The following LMBR1L variants were observed in gnomAD, a reference collection of about 807,000 sequenced individuals.
LMBR1L encodes limb development membrane protein 1 like, also known as protein LMBR1L.
LMBR1L carries 47 observed loss-of-function variants against 67.3 expected under a neutral mutation model. That is an observed-to-expected ratio of 0.70 (90% confidence interval 0.55 to 0.89). LMBR1L has a LOEUF of 0.89. Ranked by LOEUF, LMBR1L falls within the 40% of genes least tolerant of loss-of-function variation. LMBR1L has a pLI of 0.00. For synonymous variants in LMBR1L, 247 were observed against 250.3 expected (o/e 0.99, Z 0.13); for missense variants, 533 against 599.2 (o/e 0.89, Z 1.15).
chr12:49,104,664 C>T (rs1351115710), intron 4 of LMBR1L, 82 bp downstream of exon 4: 7 of 1,590,332 alleles, frequency 4.4e-6, no homozygotes, highest in Middle Eastern at 1.7e-4. Context: ...GACTGCTTGG[C>T]GCACGGCTGC....
At chr12:49,107,310 T>C (rs570527785) in intron 1 of LMBR1L, among the ~76,000 whole-genome samples, 41 of 152,332 alleles carry the variant, frequency 2.7e-4, no homozygotes, top group Middle Eastern at 3.4e-3. Context: ...AAGGACTTCA[T>C]TGGGAGAAAA....
chr12:49,105,554 C>T (rs1301512457), intron 3 of LMBR1L, among the ~76,000 whole-genome samples: 1 of 152,142 alleles, frequency 6.6e-6, no homozygotes, highest in African/African-American at 2.4e-5. Context: ...CCAAGCATGC[C>T]CCTCCCTCAG....
Position 49,102,154 on chromosome 12 carries a change from T to C in LMBR1L, c.896A>G (p.Tyr299Cys). The stretch of plus-strand genomic sequence containing the variant: ...CAGCAAGCACAGCATAGCCAGGGGG[T>C]AGCCCAGGTTCCGTTGCCAGGCTGA... ...KASAWQRNLG[Y>C]PLAMLCLLVL... is the part of the protein sequence containing the mutation. The change falls in exon 11 of 17, where the codon TAC becomes TGC. Residue 299 changes from tyrosine (Y) to cysteine (C), a missense_variant. Around this residue, in one of 3 missense-constraint regions of LMBR1L, gnomAD observed 223 missense variants for 241.2 expected, o/e 0.92. Transcript: ENST00000267102. 6.2e-7 allele frequency: 1 copy of C among 1,613,994 alleles called. No homozygotes were observed. The highest frequency in any genetic ancestry group is 1.1e-5 in the South Asian group (1 of 91,078).
chr12:49,101,468 G>A lies in LMBR1L; in HGVS notation c.1008+4C>T. ...AAGGATATGGTGGGAGGGCAGCCTG[G>A]TACCTGCATGCCTCGGGGCATGGCA... is the stretch of plus-strand genomic sequence containing the variant. On this transcript the variant is annotated splice_donor_region_variant and intron_variant, in intron 12 of 16. Coordinates refer to ENST00000267102, the MANE Select transcript of LMBR1L (RefSeq NM_018113.4). The A allele has an allele frequency of 1.9e-6, 3 of 1,613,772 alleles. No individual in the cohort carries two copies. Among genetic ancestry groups the A allele is most frequent in the Non-Finnish European group, 2.5e-6 (3 of 1,179,800 alleles).
In LMBR1L at chr12:49,097,968, G is replaced by A. The variant is rs371228926; in HGVS notation, c.1378C>T (p.Arg460Trp). ...CLVKTFTAAV[R>W]AELIRAFGLD... Reference sequence around the variant, plus strand: ...CCAAAGGCCCGGATCAGCTCTGCCCGCACAGCTGCAGTGAAGGTCTTCACC... The same window carrying A: ...CCAAAGGCCCGGATCAGCTCTGCCCACACAGCTGCAGTGAAGGTCTTCACC... Residue 460 changes from arginine to tryptophan, a missense_variant, in exon 16 of 17, where the codon CGG becomes TGG. This residue lies in a region of LMBR1L where 223 missense variants were observed against 241.2 expected (regional missense o/e 0.92). Transcript: ENST00000267102. The A allele has an allele frequency of 2.3e-5, 37 of 1,613,416 alleles. No homozygotes were observed. Among genetic ancestry groups the A allele is most frequent in the African/African-American group, 1.3e-4 (10 of 74,914 alleles).
intron 1 of LMBR1L, among the ~76,000 whole-genome samples, chr12:49,108,290 G>A (rs908444891): frequency 3.3e-5 from 5 of 151,428 alleles, no homozygotes; most frequent in Non-Finnish European, 7.4e-5. Context: ...TTGGCTGGGC[G>A]CAGTGGCTCA....
At chr12:49,109,225 G>T (rs1941266319) in intron 1 of LMBR1L, among the ~76,000 whole-genome samples, 1 of 152,248 alleles carries the variant, frequency 6.6e-6, no homozygotes. Flanking sequence ...CATCCAGGAG[G>T]CTGCTTCTGT....
At chr12:49,100,529 G>A in intron 14 of LMBR1L, 27 bp downstream of exon 14, 1 of 1,611,900 alleles carries the variant, frequency 6.2e-7, no homozygotes, top group Non-Finnish European at 8.5e-7. Flanking sequence ...CACCCCCCGG[G>A]AGCTTCCCTT....
At chr12:49,103,241 A>G in intron 6 of LMBR1L, 82 bp from the exon 7 acceptor site, 1 of 1,196,242 alleles carries the variant, frequency 8.4e-7, no homozygotes, top group South Asian at 1.3e-5. Flanking sequence ...AGTCTAGACA[A>G]GGGCACAGTC....
At chr12:49,100,345 T>A in intron 15 of LMBR1L, 43 bp downstream of exon 15, 1 of 1,501,334 alleles carries the variant, frequency 6.7e-7, no homozygotes, top group Non-Finnish European at 9.3e-7. Context: ...CAGTAAGTAC[T>A]CAAAAAAATC....
At chr12:49,105,709 G>C (rs1395526038) in intron 3 of LMBR1L, among the ~76,000 whole-genome samples, 1 of 152,184 alleles carries the variant, frequency 6.6e-6, no homozygotes, top group Non-Finnish European at 1.5e-5. Context: ...TGGCCATGAG[G>C]CTCCCACAAG....
rs1037971839 is a variant in LMBR1L at position 49,104,747 on chromosome 12, A to G, written c.330T>C (p.His110=). The change falls in exon 4 of 17, where the codon CAT becomes CAC. Residue 110 remains histidine, a splice_region_variant and synonymous_variant. Transcript: ENST00000267102. Reference sequence around the variant, plus strand: ...AAGCAGCTTCCAGGAGCCACACACCATGGATGAGGGAGCCGTTGAGCCACT... The same window carrying G: ...AAGCAGCTTCCAGGAGCCACACACCGTGGATGAGGGAGCCGTTGAGCCACT... ...YIQWLNGSLI[H]GLWNLVFLFS... 26 of 1,613,274 alleles carry G rather than the reference A, an allele frequency of 1.6e-5. No individual in the cohort carries two copies. Among genetic ancestry groups the G allele is most frequent in the Non-Finnish European group, 2.1e-5 (25 of 1,179,686 alleles).
intron 13 of LMBR1L, chr12:49,101,046 G>T: frequency 2.5e-6 from 3 of 1,177,472 alleles, no homozygotes; most frequent in Non-Finnish European, 3.5e-6. Flanking sequence ...ATTTTCTTCT[G>T]ATCAGATTCT....
chr12:49,102,571 G>A (rs774710178), intron 8 of LMBR1L, 31 bp from the exon 9 acceptor site: 45 of 1,607,004 alleles, frequency 2.8e-5, no homozygotes, highest in African/African-American at 4.0e-5. Flanking sequence ...GAGACTAACT[G>A]TCAGAGGCTC....
intron 1 of LMBR1L, among the ~76,000 whole-genome samples, chr12:49,107,668 A>G (rs1941072698): frequency 6.6e-6 from 1 of 152,192 alleles, no homozygotes; most frequent in Admixed American, 6.5e-5. Flanking sequence ...AGTGGGCTTT[A>G]GCTGGGGCCC....
chr12:49,110,415 G>C lies in LMBR1L; in HGVS notation c.72+69C>G, dbSNP rs548020152. 2.9e-4 allele frequency: 423 copies of C among 1,458,298 alleles called. 10 individuals carry two copies. The South Asian group carries it at 4.5e-3, about 16-fold the overall frequency. The allele number at this position is 1,458,298 out of a possible 1,614,324, so 90.3% of individuals were successfully genotyped here. ...TGGTTTGACGGCACTCTGAGACCAG[G>C]TGGGCTCGGACCCCAACCTCCCCGT... is the stretch of plus-strand genomic sequence containing the variant. On this transcript the variant is annotated intron_variant, in intron 1 of 16. Transcript: ENST00000267102.
Position 49,103,113 on chromosome 12 carries a change from G to C in LMBR1L, c.609C>G (p.Phe203Leu), listed in dbSNP as rs1415977773. ...YLPYLYSCIS[F>L]LGVLLLLVCT... ...CACCCAGGAGCAGCAGAACCCCAAG[G>C]AAGGAGATGCATGAGTAGAGGTAGG... is the stretch of plus-strand genomic sequence containing the variant. Residue 203 changes from phenylalanine (F) to leucine (L), a missense_variant, in exon 7 of 17, where the codon TTC (phenylalanine) becomes TTG (leucine). Coordinates refer to ENST00000267102, the MANE Select transcript of LMBR1L (RefSeq NM_018113.4). 2 of 1,613,948 alleles carry C rather than the reference G, an allele frequency of 1.2e-6. No homozygotes were observed. The highest frequency in any genetic ancestry group is 2.7e-5 in the African/African-American group (2 of 74,894).
intron 5 of LMBR1L, 39 bp downstream of exon 5, chr12:49,104,409 G>T: frequency 7.3e-7 from 1 of 1,374,116 alleles, no homozygotes; most frequent in Admixed American, 1.7e-5. Flanking sequence ...CATGTGTGTG[G>T]AATTCCGTTT....
intron 1 of LMBR1L, among the ~76,000 whole-genome samples, chr12:49,107,984 G>A (rs1941106591): frequency 6.6e-6 from 1 of 152,068 alleles, no homozygotes; most frequent in African/African-American, 2.4e-5. Context: ...CAAAAATTGG[G>A]CTGGGCGTTG....
Sources: gnomAD v4.1 joint callset for allele counts (sites outside exome capture counted in the v4.1 genomes callset) on GRCh38, gnomAD v4.1.1 for gene constraint, gnomAD v4.1.1 regional missense constraint, MANE v1.5 for transcripts, NCBI Gene and HGNC (gene_info 2026-07-23, HGNC 2026-07-21) for gene names.